The following KCNQ5 variants were observed in gnomAD, a reference collection of about 807,000 sequenced individuals.
KCNQ5 encodes the protein potassium voltage-gated channel subfamily KQT member 5.
In KCNQ5, 30 loss-of-function variants were observed where a neutral mutation model predicts 98.2. The observed-to-expected ratio is 0.31, with a 90% CI of 0.23 to 0.41. The LOEUF is 0.41. Ranked by LOEUF, KCNQ5 falls within the 10% of genes least tolerant of loss-of-function variation. The pLI, the probability that KCNQ5 is intolerant of heterozygous loss-of-function variation, is 1.00. For missense variants in KCNQ5, 835 were observed against 1,182.5 expected (o/e 0.71, Z 4.31); for synonymous variants, 458 against 449.4 (o/e 1.02, Z -0.24).
At chr6:73,028,036 T>C (rs772948397) in intron 2 of KCNQ5, among the ~76,000 whole-genome samples, 2 of 152,232 alleles carry the variant, frequency 1.3e-5, no homozygotes, top group Non-Finnish European at 2.9e-5. Flanking sequence ...GGGAAAAAAA[T>C]TCTTGCCTTA....
chr6:73,083,536 G>A (rs1334062804), intron 5 of KCNQ5, among the ~76,000 whole-genome samples: 1 of 152,114 alleles, frequency 6.6e-6, no homozygotes, highest in African/African-American at 2.4e-5. Flanking sequence ...GATGCATTAT[G>A]AGTGAGATTT....
chr6:72,820,817 C>T (rs140970168), intron 1 of KCNQ5, among the ~76,000 whole-genome samples: 75 of 152,196 alleles, frequency 4.9e-4, no homozygotes, highest in Middle Eastern at 3.4e-3. Context: ...ACAACACATA[C>T]GGTGTTTATG....
intron 1 of KCNQ5, among the ~76,000 whole-genome samples, chr6:72,920,248 C>T (rs1780332547): frequency 1.3e-5 from 2 of 152,152 alleles, no homozygotes; most frequent in South Asian, 4.2e-4. Context: ...GAGCCAAGAT[C>T]ACCACTGCAC....
chr6:72,800,448 A>G (rs1478513088), intron 1 of KCNQ5, among the ~76,000 whole-genome samples: 1 of 152,110 alleles, frequency 6.6e-6, no homozygotes, highest in Admixed American at 6.5e-5. Flanking sequence ...GGTAGTTTGT[A>G]TTTCTGTGGG....
chr6:73,124,373 A>G lies in KCNQ5; in HGVS notation c.1221-113A>G, dbSNP rs1341041300. Reference sequence around the variant, plus strand: ...CACTGCTTTTGTGGATCTTGCATGAAAAGAGTTACTTAAGGTATTTGATTC... The same window carrying G: ...CACTGCTTTTGTGGATCTTGCATGAGAAGAGTTACTTAAGGTATTTGATTC... On this transcript the variant is annotated intron_variant, in intron 8 of 13. Coordinates refer to ENST00000370398, the MANE Select transcript of KCNQ5 (RefSeq NM_019842.4). 10 of 882,778 alleles carry G rather than the reference A, an allele frequency of 1.1e-5. No individual in the cohort carries two copies. The Admixed American group carries it at 1.9e-4, about 16-fold the overall frequency. 54.7% of individuals were successfully genotyped at this position (882,778 alleles called of 1,614,324 possible). A position where few individuals can be genotyped will look rare whatever the true frequency, so the allele number is the denominator to read the frequency against.
chr6:72,943,384 G>C (rs1410337841), intron 1 of KCNQ5, among the ~76,000 whole-genome samples: 1 of 152,126 alleles, frequency 6.6e-6, no homozygotes, highest in Non-Finnish European at 1.5e-5. Context: ...AACAATTTTT[G>C]AAGCCTAAAT....
chr6:73,124,962 TATATATATATATATATATACACAC>T (rs1376065075), intron 9 of KCNQ5, among the ~76,000 whole-genome samples: 1,755 of 13,220 alleles, frequency 0.13, 54 homozygotes, highest in Admixed American at 0.17. Context: ...TATATATATA[TATATATATATATATATATACACAC>T]ACACACATAT....
chr6:72,795,103 A>G (rs1407640327), intron 1 of KCNQ5, among the ~76,000 whole-genome samples: 2 of 152,226 alleles, frequency 1.3e-5, no homozygotes, highest in Non-Finnish European at 2.9e-5. Flanking sequence ...GGACAGAAGC[A>G]TAATATCTAA....
chr6:72,957,753 T>A (rs1205124984), intron 1 of KCNQ5, among the ~76,000 whole-genome samples: 1 of 152,200 alleles, frequency 6.6e-6, no homozygotes, highest in East Asian at 1.9e-4. Context: ...ACTCTCCTAG[T>A]GTCCATATTA....
At chr6:72,751,670 T>G (rs1397787730) in intron 1 of KCNQ5, among the ~76,000 whole-genome samples, 3 of 152,034 alleles carry the variant, frequency 2.0e-5, no homozygotes, top group Non-Finnish European at 2.9e-5. Flanking sequence ...TGAAAATAAA[T>G]TATTAAAAAG....
At chr6:72,987,955 C>T (rs896654583) in intron 1 of KCNQ5, among the ~76,000 whole-genome samples, 2 of 152,172 alleles carry the variant, frequency 1.3e-5, no homozygotes, top group African/African-American at 4.8e-5. Context: ...TGAAAGCCAT[C>T]TGACAGTTGG....
At chr6:72,656,120 TCTC>T (rs1485354788) in intron 1 of KCNQ5, among the ~76,000 whole-genome samples, 2 of 152,142 alleles carry the variant, frequency 1.3e-5, no homozygotes, top group Non-Finnish European at 2.9e-5. Flanking sequence ...AATGGTGTCT[TCTC>T]TTCTTTACAA....
At chr6:72,941,455 CCTTCCTT>C (rs138571892) in intron 1 of KCNQ5, among the ~76,000 whole-genome samples, 23,006 of 126,902 alleles carry the variant, frequency 0.18, 2,581 homozygotes, top group Non-Finnish European at 0.23. Context: ...TTCATTCCTT[CCTTCCTT>C]CTTCCTTCCC....
At chr6:72,988,151 T>A (rs1768894406) in intron 1 of KCNQ5, among the ~76,000 whole-genome samples, 1 of 152,228 alleles carries the variant, frequency 6.6e-6, no homozygotes, top group African/African-American at 2.4e-5. Flanking sequence ...ACAGATGACC[T>A]TTGTTGAGTG....
intron 9 of KCNQ5, among the ~76,000 whole-genome samples, chr6:73,125,992 C>G (rs1161245872): frequency 6.6e-6 from 1 of 152,108 alleles, no homozygotes; most frequent in Non-Finnish European, 1.5e-5. Context: ...ACAAGCTGAC[C>G]AATTCTAGAC....
At chr6:72,658,024 G>C (rs1766281969) in intron 1 of KCNQ5, among the ~76,000 whole-genome samples, 1 of 151,972 alleles carries the variant, frequency 6.6e-6, no homozygotes, top group Non-Finnish European at 1.5e-5. Context: ...TTGTATTCTG[G>C]GCATCTGCAG....
At chr6:73,058,392 G>A (rs111979476) in intron 3 of KCNQ5, among the ~76,000 whole-genome samples, 4,527 of 152,028 alleles carry the variant, frequency 0.03, 235 homozygotes, top group African/African-American at 0.1. Flanking sequence ...CAGCCTGGGC[G>A]ACAGCGAGAC....
chr6:73,078,736 A>G (rs536519033), intron 5 of KCNQ5, among the ~76,000 whole-genome samples: 10 of 152,332 alleles, frequency 6.6e-5, no homozygotes, highest in Admixed American at 6.5e-4. Flanking sequence ...CCAGTTATCA[A>G]CAACTTACAG....
chr6:73,115,281 T>A (rs1456769528), intron 7 of KCNQ5, among the ~76,000 whole-genome samples: 1 of 151,998 alleles, frequency 6.6e-6, no homozygotes. Context: ...GCAAAAAAGA[T>A]AAGAAACATG....
Sources: allele counts gnomAD v4.1 joint callset (sites outside exome capture counted in the v4.1 genomes callset), GRCh38; gene constraint gnomAD v4.1.1; transcripts MANE v1.5; gene names NCBI Gene and HGNC (gene_info 2026-07-23, HGNC 2026-07-21).